INPP5A: variants seen among roughly 807,000 people sequenced by gnomAD.
INPP5A encodes 43 kDa inositol polyphosphate 5-phophatase.
INPP5A carries 14 observed loss-of-function variants against 65.2 expected under a neutral mutation model. The ratio of observed to expected loss-of-function variants is 0.21; its 90% CI spans 0.14 to 0.34. The LOEUF (loss-of-function observed/expected upper bound fraction) is 0.34, where lower values mean the gene tolerates loss of function less well. INPP5A is among the 10% of genes least tolerant of loss of function. INPP5A has a pLI of 1.00. For synonymous variants in INPP5A, 207 were observed against 208.3 expected, an observed-to-expected ratio of 0.99 and a Z score of 0.05; for missense variants, 431 against 545.6, an observed-to-expected ratio of 0.79 and a Z score of 2.09.
intron 1 of INPP5A, among the ~76,000 whole-genome samples, chr10:132,572,728 C>T (rs1207079765): frequency 6.6e-6 from 1 of 152,144 alleles, no homozygotes; most frequent in Non-Finnish European, 1.5e-5. Context: ...TCAGAGGACA[C>T]TGTTGCTGAG....
At chr10:132,570,560 C>T (rs1004351460) in intron 1 of INPP5A, among the ~76,000 whole-genome samples, 13 of 152,214 alleles carry the variant, frequency 8.5e-5, no homozygotes, top group Non-Finnish European at 1.3e-4. Flanking sequence ...GTGCTGACCA[C>T]ACACAGACTC....
rs1041766345 is a variant in INPP5A, at chr10:132,590,022, C to T, written c.76-17893C>T. On this transcript the variant is annotated intron_variant, in intron 1 of 15. Coordinates refer to ENST00000368594, the MANE Select transcript of INPP5A (RefSeq NM_005539.5). ...CTCGACGAGACCCATGGCTCCTGCA[C>T]GGATGGTTTCACATTGTCAACACGG... Among the ~76,000 whole-genome samples the T allele has an allele frequency of 2.0e-5, 3 of 152,242 alleles. 1 individual carries two copies. The highest frequency in any genetic ancestry group is 2.0e-4 in the Admixed American group (3 of 15,286).
intron 14 of INPP5A, 145 bp from the exon 15 acceptor site, chr10:132,781,716 G>C (rs1847164733): frequency 1.4e-6 from 1 of 701,352 alleles, no homozygotes; most frequent in East Asian, 2.7e-5. Flanking sequence ...GGGCCGAGCT[G>C]CCTCTGCTGG....
At chr10:132,601,328 C>T (rs2071774823) in intron 1 of INPP5A, among the ~76,000 whole-genome samples, 1 of 152,164 alleles carries the variant, frequency 6.6e-6, no homozygotes, top group Admixed American at 6.5e-5. Flanking sequence ...AAGTCCTCTT[C>T]CTATTTTTAA....
chr10:132,770,471 C>T (rs994248577), intron 12 of INPP5A, among the ~76,000 whole-genome samples: 3 of 152,218 alleles, frequency 2.0e-5, no homozygotes, highest in East Asian at 1.9e-4. Flanking sequence ...CTGGGGGCTC[C>T]CTGTGTCTGT....
intron 1 of INPP5A, among the ~76,000 whole-genome samples, chr10:132,592,164 C>T (rs545754069): frequency 6.6e-6 from 1 of 151,892 alleles, no homozygotes; most frequent in South Asian, 2.1e-4. Flanking sequence ...CAGAAAAAAA[C>T]CCCAGAAAGA....
chr10:132,706,629 AT>A lies in INPP5A; in HGVS notation c.475-1681del, dbSNP rs986363524. On this transcript the variant is annotated intron_variant, in intron 6 of 15. Coordinates refer to ENST00000368594, the MANE Select transcript of INPP5A (RefSeq NM_005539.5). This position sits in a 1 kb window ranked among gnomAD's most constrained non-coding sequence, Gnocchi z 4.7. ...CCCCCACCAGTGTGTGGGGCTTGGA[AT>A]TTCCCTTCTTGAGCATGAGTGGGAG... Among the ~76,000 whole-genome samples, 34 of 152,010 alleles carry A rather than the reference AT, an allele frequency of 2.2e-4. No homozygotes were observed. Among genetic ancestry groups the A allele is most frequent in the South Asian group, 6.2e-4 (3 of 4,820 alleles).
chr10:132,769,550 G>T (rs1846912980), intron 12 of INPP5A, among the ~76,000 whole-genome samples: 1 of 152,238 alleles, frequency 6.6e-6, no homozygotes, highest in South Asian at 2.1e-4. Flanking sequence ...CTCTACACGT[G>T]TGCTTAGAGT....
At chr10:132,747,459 A>G (rs1364829517) in intron 9 of INPP5A, among the ~76,000 whole-genome samples, 1 of 152,270 alleles carries the variant, frequency 6.6e-6, no homozygotes, top group Non-Finnish European at 1.5e-5. Flanking sequence ...ACCAGCCACC[A>G]GGAGGTAGAC....
intron 11 of INPP5A, among the ~76,000 whole-genome samples, chr10:132,758,149 G>C (rs1244667451): frequency 9.4e-6 from 1 of 106,016 alleles, no homozygotes; most frequent in Admixed American, 9.5e-5. Context: ...GATGTTGTGG[G>C]TCCCTGGCTG....
intron 2 of INPP5A, among the ~76,000 whole-genome samples, chr10:132,611,154 T>G (rs1241001094): frequency 1.0e-3 from 60 of 58,724 alleles, no homozygotes; most frequent in African/African-American, 1.4e-3. Flanking sequence ...TGAGGGAGGT[T>G]AGGAGTTCAT....
At chr10:132,599,447 C>T (rs761656690) in intron 1 of INPP5A, among the ~76,000 whole-genome samples, 3 of 152,256 alleles carry the variant, frequency 2.0e-5, no homozygotes, top group East Asian at 1.9e-4. Context: ...TGTGCTCCCA[C>T]GATCTTGGGC....
chr10:132,671,783 C>T (rs2072895773), intron 4 of INPP5A, among the ~76,000 whole-genome samples: 1 of 152,192 alleles, frequency 6.6e-6, no homozygotes, highest in Admixed American at 6.5e-5. Context: ...TTCCCCGTGT[C>T]ACAGATAGAG....
intron 8 of INPP5A, among the ~76,000 whole-genome samples, chr10:132,711,167 C>A (rs1471201277): frequency 1.3e-5 from 2 of 152,278 alleles, no homozygotes; most frequent in South Asian, 4.1e-4. Context: ...TCAGTGGGAG[C>A]GTGGGGGCCA....
chr10:132,656,991 T>G (rs1453576155), intron 4 of INPP5A, among the ~76,000 whole-genome samples: 1 of 152,164 alleles, frequency 6.6e-6, no homozygotes, highest in Non-Finnish European at 1.5e-5. Context: ...ATGACCTAGT[T>G]GGGTCTGGGG....
intron 12 of INPP5A, among the ~76,000 whole-genome samples, chr10:132,768,324 G>T (rs1174150503): frequency 1.4e-5 from 2 of 144,166 alleles, no homozygotes; most frequent in Non-Finnish European, 3.0e-5. Flanking sequence ...CACGCGCCCA[G>T]TTGCATTCCA....
In INPP5A at chr10:132,587,160, A is replaced by G. The variant is rs919627792; in HGVS notation, c.76-20755A>G. On this transcript the variant is annotated intron_variant, in intron 1 of 15. Coordinates refer to ENST00000368594, the MANE Select transcript of INPP5A (RefSeq NM_005539.5). This position sits in a 1 kb window ranked among gnomAD's most constrained non-coding sequence, Gnocchi z 4.3. ...ATAATACAAACACATTTAAAAAACA[A>G]GAGAGCCAGTGTGAAAACAGTAGGC... 1.6e-4 allele frequency among the ~76,000 whole-genome samples: 24 copies of G among 150,990 alleles called. No individual in the cohort carries two copies. The highest frequency in any genetic ancestry group is 7.2e-4 in the Admixed American group (11 of 15,244).
At chr10:132,717,227 T>C (rs1012254262) in intron 8 of INPP5A, among the ~76,000 whole-genome samples, 3 of 152,222 alleles carry the variant, frequency 2.0e-5, no homozygotes, top group Non-Finnish European at 4.4e-5. Flanking sequence ...ACCCTTCCTC[T>C]TGCATCAGGG....
intron 9 of INPP5A, among the ~76,000 whole-genome samples, chr10:132,731,712 GGTGAGGGTTTCCCCCA>G (rs71013544): frequency 0.17 from 25,469 of 152,194 alleles, 2,576 homozygotes; most frequent in Non-Finnish European, 0.23. Flanking sequence ...GCTGGTCTCT[GGTGAGGGTTTCCCCCA>G]GTGAGGGTTT....
Sources: gnomAD v4.1 joint callset for allele counts (sites outside exome capture counted in the v4.1 genomes callset) on GRCh38, gnomAD v4.1.1 for gene constraint, Gnocchi (gnomAD v3.1) non-coding constraint, MANE v1.5 for transcripts, NCBI Gene and HGNC (gene_info 2026-07-23, HGNC 2026-07-21) for gene names.